The following TXNRD2 variants were observed in gnomAD, a reference collection of about 807,000 sequenced individuals.
TXNRD2 encodes the protein thioredoxin reductase 2, mitochondrial.
TXNRD2 carries 67 observed loss-of-function variants against 70.8 expected under a neutral mutation model. That is an observed-to-expected ratio of 0.95 (90% CI 0.78 to 1.16). The LOEUF (loss-of-function observed/expected upper bound fraction) is 1.16, where lower values mean the gene tolerates loss of function less well. Ranked by LOEUF, TXNRD2 falls within the 50% of genes most tolerant of loss-of-function variation. The pLI is 0.00. For synonymous variants in TXNRD2, 301 were observed against 295.8 expected, an observed-to-expected ratio of 1.02 and a Z score of -0.18; for missense variants, 644 against 719.9, an observed-to-expected ratio of 0.89 and a Z score of 1.21.
At chr22:19,914,178 G>GGTTCCTTGAAAC (rs1274993578) in intron 7 of TXNRD2, among the ~76,000 whole-genome samples, 3 of 152,232 alleles carry the variant, frequency 2.0e-5, no homozygotes, top group Non-Finnish European at 4.4e-5. Context: ...AACAGTCTGA[G>GGTTCCTTGAAAC]GTTCCTTGAA....
In TXNRD2 at chr22:19,927,668, A is replaced by AG. The variant is rs1283340946; in HGVS notation, c.172+3361_172+3362insC. On this transcript the variant is annotated intron_variant, in intron 2 of 17. Transcript: ENST00000400521. ...CCTTGTCTCAAAAAAAAAAAAAAAA[A>AG]AAAGAAAAGAAAGAAAGAAAGAAAA... Among the ~76,000 whole-genome samples the AG allele has an allele frequency of 4.8e-3, 714 of 148,236 alleles. 2 individuals carry two copies. The highest frequency in any genetic ancestry group is 8.1e-3 in the Non-Finnish European group (547 of 67,666).
At chr22:19,909,531 CCACA>C (rs542311321) in intron 8 of TXNRD2, among the ~76,000 whole-genome samples, 1 of 106,282 alleles carries the variant, frequency 9.4e-6, no homozygotes, top group Admixed American at 1.0e-4. Flanking sequence ...CACACACACA[CCACA>C]CACACACATA....
chr22:19,937,809 A>G (rs1941581856), intron 1 of TXNRD2, among the ~76,000 whole-genome samples: 2 of 152,218 alleles, frequency 1.3e-5, no homozygotes, highest in African/African-American at 4.8e-5. Flanking sequence ...TTGGGCAAGT[A>G]CTTGCCACTC....
chr22:19,885,734 G>A (rs929606178), intron 11 of TXNRD2, among the ~76,000 whole-genome samples: 22 of 152,308 alleles, frequency 1.4e-4, no homozygotes, highest in African/African-American at 4.3e-4. Context: ...AACATCTGAC[G>A]CTGCACCCAC....
At chr22:19,924,368 C>G (rs1322918457) in intron 2 of TXNRD2, among the ~76,000 whole-genome samples, 1 of 152,168 alleles carries the variant, frequency 6.6e-6, no homozygotes, top group Non-Finnish European at 1.5e-5. Flanking sequence ...TCCACCACCC[C>G]CCGCACCCTA....
At chr22:19,894,711 C>T (rs762854325) in intron 11 of TXNRD2, 7 of 217,306 alleles carry the variant, frequency 3.2e-5, no homozygotes, top group Non-Finnish European at 5.5e-5. Context: ...ACATACTGGC[C>T]AGGTGCGGTG....
At chr22:19,913,800 G>A (rs1318958129) in intron 7 of TXNRD2, among the ~76,000 whole-genome samples, 2 of 151,968 alleles carry the variant, frequency 1.3e-5, no homozygotes, top group African/African-American at 4.9e-5. Flanking sequence ...GCTGTCTGCT[G>A]CCTGTTGAGT....
In TXNRD2 at chr22:19,941,752, G is replaced by A. The variant is rs1060501404; in HGVS notation, c.52C>T (p.Arg18Trp). Reference sequence around the variant, plus strand: ...ACCCCGCCCGCCACGGCCTGCGTCCGCCACCGGAAGCGCCCTCCTAATCCC... The same window carrying A: ...ACCCCGCCCGCCACGGCCTGCGTCCACCACCGGAAGCGCCCTCCTAATCCC... ...LRGLGGRFRW[R>W]TQAVAGGVRG... The change falls in exon 1 of 18, where the codon CGG becomes TGG. Residue 18 changes from arginine to tryptophan, a missense_variant. Arg to Trp is a moderately radical substitution (Grantham distance 101, BLOSUM62 -3). Around this residue, in one of 3 missense-constraint regions of TXNRD2, gnomAD observed 71 missense variants for 53.6 expected, o/e 1.33. Transcript: ENST00000400521. The A allele has an allele frequency of 6.6e-7, 1 of 1,503,916 alleles. No individual in the cohort carries two copies. Among genetic ancestry groups the A allele is most frequent in the Non-Finnish European group, 8.8e-7 (1 of 1,134,674 alleles). 93.2% of individuals were successfully genotyped at this position (1,503,916 alleles called of 1,614,324 possible).
intron 1 of TXNRD2, among the ~76,000 whole-genome samples, 171 bp from the exon 2 acceptor site, chr22:19,931,269 C>T (rs1044636444): frequency 1.3e-5 from 2 of 152,224 alleles, no homozygotes; most frequent in African/African-American, 4.8e-5. Flanking sequence ...AATCCAGAGA[C>T]CAAGCCATAT....
At chr22:19,901,909 G>A (rs1435040288) in intron 8 of TXNRD2, among the ~76,000 whole-genome samples, 1 of 152,184 alleles carries the variant, frequency 6.6e-6, no homozygotes, top group Non-Finnish European at 1.5e-5. Flanking sequence ...TGCATTAAAA[G>A]ACCCAGAGGT....
intron 2 of TXNRD2, among the ~76,000 whole-genome samples, chr22:19,924,479 T>C (rs1601466418): frequency 6.6e-6 from 1 of 152,252 alleles, no homozygotes; most frequent in South Asian, 2.1e-4. Context: ...ATCATACCCG[T>C]AGACCCAACA....
chr22:19,940,596 G>A (rs560208339), intron 1 of TXNRD2, among the ~76,000 whole-genome samples: 2 of 152,236 alleles, frequency 1.3e-5, no homozygotes, highest in Admixed American at 6.5e-5. Flanking sequence ...CCCCACTACC[G>A]CCCCTCACAT....
intron 8 of TXNRD2, among the ~76,000 whole-genome samples, chr22:19,900,098 C>G (rs1238676605): frequency 6.6e-6 from 1 of 152,248 alleles, no homozygotes; most frequent in African/African-American, 2.4e-5. Flanking sequence ...ATCTGGCATG[C>G]AGCTTCCTCA....
chr22:19,923,205 T>TC (rs1940984214), intron 2 of TXNRD2, among the ~76,000 whole-genome samples: 1 of 152,130 alleles, frequency 6.6e-6, no homozygotes, highest in Non-Finnish European at 1.5e-5. Flanking sequence ...CTCCACCCCC[T>TC]CTCCCACATG....
At chr22:19,909,190 A>G (rs554347780) in intron 8 of TXNRD2, among the ~76,000 whole-genome samples, 4 of 146,164 alleles carry the variant, frequency 2.7e-5, no homozygotes, top group Non-Finnish European at 6.0e-5. Context: ...TGGGCAACAG[A>G]GTGAGACTCT....
chr22:19,911,146 A>T, intron 8 of TXNRD2: 1 of 642,226 alleles, frequency 1.6e-6, no homozygotes, highest in Non-Finnish European at 2.8e-6. Context: ...GCCCAGGCTG[A>T]TGCTGATCTC....
At chr22:19,921,953 G>A (rs1176686802) in intron 2 of TXNRD2, among the ~76,000 whole-genome samples, 2 of 152,172 alleles carry the variant, frequency 1.3e-5, no homozygotes, top group African/African-American at 4.8e-5. Flanking sequence ...ACTGGGCACT[G>A]CTCCATACCC....
At chr22:19,910,085 C>A (rs73880003) in intron 8 of TXNRD2, among the ~76,000 whole-genome samples, 5,076 of 152,006 alleles carry the variant, frequency 0.033, 127 homozygotes, top group South Asian at 0.087. Flanking sequence ...GGGGAAGGCT[C>A]GAGACTGCTA....
At chr22:19,877,428 C>T (rs1035173499) in intron 16 of TXNRD2, among the ~76,000 whole-genome samples, 194 bp from the exon 17 acceptor site, 7 of 152,018 alleles carry the variant, frequency 4.6e-5, no homozygotes, top group African/African-American at 1.7e-4. Context: ...GCCTAGTGCT[C>T]GTCCAGCCCA....
Sources: allele counts gnomAD v4.1 joint callset (sites outside exome capture counted in the v4.1 genomes callset), GRCh38; gene constraint gnomAD v4.1.1; regional missense constraint gnomAD v4.1.1; transcripts MANE v1.5; gene names NCBI Gene and HGNC (gene_info 2026-07-23, HGNC 2026-07-21).